Variants in CCDC178 observed in about 807,000 individuals in gnomAD.
The protein encoded by CCDC178 is coiled-coil domain-containing protein 178.
In CCDC178, 126 loss-of-function variants were observed where a neutral mutation model predicts 117.4. The ratio of observed to expected loss-of-function variants is 1.07; its 90% CI spans 0.93 to 1.24. The LOEUF (loss-of-function observed/expected upper bound fraction) is 1.24, where lower values mean the gene tolerates loss of function less well. Among genes scored for constraint, CCDC178 ranks in the 50% most tolerant of loss-of-function variants. The pLI is 0.00. For missense variants in CCDC178, 1,030 were observed against 986.9 expected (o/e 1.04, Z -0.59); for synonymous variants, 283 against 313.4 (o/e 0.90, Z 1.02).
intron 12 of CCDC178, among the ~76,000 whole-genome samples, chr18:33,291,444 C>T (rs1188405141): frequency 6.6e-6 from 1 of 151,934 alleles, no homozygotes. Context: ...AATCACCCTG[C>T]AAAAGTCATT....
chr18:33,433,075 C>T (rs773664283), intron 2 of CCDC178, among the ~76,000 whole-genome samples: 45 of 152,154 alleles, frequency 3.0e-4, no homozygotes, highest in African/African-American at 1.1e-3. Context: ...ACACTCCATT[C>T]TATTAGTCAT....
intron 22 of CCDC178, among the ~76,000 whole-genome samples, chr18:32,952,278 G>A (rs1426471463): frequency 6.6e-6 from 1 of 152,206 alleles, no homozygotes; most frequent in African/African-American, 2.4e-5. Context: ...TCTCCATGAG[G>A]GCTCTGCCCC....
chr18:33,369,956 A>G, intron 6 of CCDC178, 94 bp downstream of exon 6: 1 of 1,049,166 alleles, frequency 9.5e-7, no homozygotes, highest in Non-Finnish European at 1.3e-6. Flanking sequence ...TTATCATTTA[A>G]AAAGTCCAGA....
At chr18:33,005,766 A>T (rs1376663036) in intron 21 of CCDC178, among the ~76,000 whole-genome samples, 4 of 152,014 alleles carry the variant, frequency 2.6e-5, no homozygotes, top group Non-Finnish European at 5.9e-5. Flanking sequence ...TAAAAACTCA[A>T]AATAAGTAGA....
intron 15 of CCDC178, among the ~76,000 whole-genome samples, chr18:33,244,013 C>A (rs1200204663): frequency 2.0e-5 from 3 of 152,012 alleles, no homozygotes; most frequent in Non-Finnish European, 4.4e-5. Flanking sequence ...GCTTACTTTG[C>A]TTACTCACTT....
intron 21 of CCDC178, among the ~76,000 whole-genome samples, chr18:33,042,112 C>T (rs2056560204): frequency 6.6e-6 from 1 of 151,856 alleles, no homozygotes; most frequent in Admixed American, 6.6e-5. Context: ...GAAAGGATGA[C>T]AGGGAACAAG....
At chr18:33,069,533 A>G (rs1225551690) in intron 21 of CCDC178, among the ~76,000 whole-genome samples, 1 of 152,126 alleles carries the variant, frequency 6.6e-6, no homozygotes, top group Non-Finnish European at 1.5e-5. Context: ...TCTCGAGTCA[A>G]TTTAAGACTT....
chr18:32,996,597 CTATAA>C (rs1436109122), intron 21 of CCDC178, among the ~76,000 whole-genome samples: 1 of 151,764 alleles, frequency 6.6e-6, no homozygotes, highest in Non-Finnish European at 1.5e-5. Context: ...AAAACTGCAT[CTATAA>C]TATAATTTCA....
intron 20 of CCDC178, among the ~76,000 whole-genome samples, chr18:33,186,606 G>C (rs1392820392): frequency 6.6e-6 from 1 of 151,994 alleles, no homozygotes; most frequent in Non-Finnish European, 1.5e-5. Flanking sequence ...TCCTCCCTGA[G>C]TTTCCTTGTT....
intron 11 of CCDC178, among the ~76,000 whole-genome samples, chr18:33,316,759 C>G (rs1185306472): frequency 6.6e-6 from 1 of 152,072 alleles, no homozygotes; most frequent in Non-Finnish European, 1.5e-5. Flanking sequence ...TGTGGATGCA[C>G]CAATCGGCAC....
rs146764440 is a variant in CCDC178, at chr18:33,331,836, TA to T, written c.879+1337del. 3.2e-3 allele frequency among the ~76,000 whole-genome samples: 483 copies of T among 152,252 alleles called. 3 individuals are homozygous for T. Among genetic ancestry groups the T allele is most frequent in the African/African-American group, 0.011 (457 of 41,534 alleles). On this transcript the variant is annotated intron_variant, in intron 10 of 22. Coordinates refer to ENST00000383096, the MANE Select transcript of CCDC178 (RefSeq NM_001105528.4). ...TATCTAATAAAATAGTAAATGTGTA[TA>T]ACCCACAATCCAGTAACTACCCAAC...
intron 11 of CCDC178, among the ~76,000 whole-genome samples, chr18:33,316,398 C>A (rs1033022177): frequency 6.6e-5 from 10 of 152,190 alleles, no homozygotes; most frequent in African/African-American, 2.4e-4. Flanking sequence ...CTCCCCGGGC[C>A]TTAGCTGCCT....
intron 3 of CCDC178, among the ~76,000 whole-genome samples, chr18:33,411,495 T>A (rs913491013): frequency 6.6e-6 from 1 of 152,126 alleles, no homozygotes; most frequent in Non-Finnish European, 1.5e-5. Flanking sequence ...TGCAAAGATA[T>A]GACATTGCTA....
At chr18:33,204,395 C>T (rs1002725580) in intron 20 of CCDC178, among the ~76,000 whole-genome samples, 13 of 149,832 alleles carry the variant, frequency 8.7e-5, no homozygotes, top group South Asian at 8.3e-4. Flanking sequence ...TACCAATAAA[C>T]GAATGAGCAA....
intron 20 of CCDC178, among the ~76,000 whole-genome samples, chr18:33,211,091 T>C (rs959507997): frequency 6.6e-6 from 1 of 151,728 alleles, no homozygotes; most frequent in African/African-American, 2.4e-5. Context: ...ATAAATATCA[T>C]ATTTGAATAT....
intron 21 of CCDC178, among the ~76,000 whole-genome samples, chr18:33,002,939 A>C (rs1427387654): frequency 2.0e-5 from 3 of 152,164 alleles, no homozygotes; most frequent in Admixed American, 2.0e-4. Context: ...GAAATGGATA[A>C]ATTCCTAGAT....
chr18:33,352,189 G>A (rs374343562), intron 7 of CCDC178, among the ~76,000 whole-genome samples: 90 of 151,992 alleles, frequency 5.9e-4, no homozygotes, highest in African/African-American at 1.9e-3. Context: ...TTTCATCTTC[G>A]TTATTTAGTT....
chr18:33,261,115 G>A (rs932035151), intron 14 of CCDC178, among the ~76,000 whole-genome samples: 1 of 149,054 alleles, frequency 6.7e-6, no homozygotes, highest in African/African-American at 2.5e-5. Flanking sequence ...ACACAGTCTC[G>A]CTCTGTCGCC....
At chr18:33,014,761 C>T (rs985119641) in intron 21 of CCDC178, among the ~76,000 whole-genome samples, 5 of 152,000 alleles carry the variant, frequency 3.3e-5, no homozygotes, top group African/African-American at 1.2e-4. Flanking sequence ...AGTAGCTGCT[C>T]ATAATAAAGA....
Sources: allele counts gnomAD v4.1 joint callset (sites outside exome capture counted in the v4.1 genomes callset), GRCh38; gene constraint gnomAD v4.1.1; transcripts MANE v1.5; gene names NCBI Gene and HGNC (gene_info 2026-07-23, HGNC 2026-07-21).